Variants in UNC5A observed in about 807,000 individuals in gnomAD.
The protein encoded by UNC5A is netrin receptor UNC5A.
Under a neutral mutation model 87.4 loss-of-function variants are expected in UNC5A, and 20 were observed. The observed-to-expected ratio is 0.23, with a 90% CI of 0.16 to 0.33. The LOEUF (loss-of-function observed/expected upper bound fraction) is 0.33, where lower values mean the gene tolerates loss of function less well. Among genes scored for constraint, UNC5A ranks in the 10% least tolerant of loss-of-function variants. UNC5A has a pLI of 1.00. For synonymous variants in UNC5A, 438 were observed against 482.3 expected (o/e 0.91, Z 1.20); for missense variants, 844 against 1,133.4 (o/e 0.74, Z 3.67).
rs1028304816 is a variant in UNC5A, at chr5:176,865,031, G to C, written c.292+2186G>C. The C allele has an allele frequency of 2.8e-6, 1 of 352,264 alleles. No individual in the cohort carries two copies. Among genetic ancestry groups the C allele is most frequent in the African/African-American group, 2.2e-5 (1 of 46,308 alleles). 21.8% of individuals were successfully genotyped at this position (352,264 alleles called of 1,614,324 possible). Reference sequence around the variant, plus strand: ...CAGTTTCTTCATCTGTAAAATGGGGGTGAGGAGACCTCCCCTCCATCCTGC... The same window carrying C: ...CAGTTTCTTCATCTGTAAAATGGGGCTGAGGAGACCTCCCCTCCATCCTGC... On this transcript the variant is annotated intron_variant, in intron 2 of 14. Coordinates refer to ENST00000329542, the MANE Select transcript of UNC5A (RefSeq NM_133369.3). The surrounding 1 kb of genome is among the most constrained non-coding windows in gnomAD (Gnocchi z 5.3).
rs1023046533 is a variant in UNC5A, at chr5:176,844,865, C to T, written c.71-17759C>T. Among the ~76,000 whole-genome samples, 4 of 152,182 alleles carry T rather than the reference C, an allele frequency of 2.6e-5. No homozygotes were observed. Among genetic ancestry groups the T allele is most frequent in the Non-Finnish European group, 5.9e-5 (4 of 68,024 alleles). On this transcript the variant is annotated intron_variant, in intron 1 of 14. Coordinates refer to ENST00000329542, the MANE Select transcript of UNC5A (RefSeq NM_133369.3). This position sits in a 1 kb window ranked among gnomAD's most constrained non-coding sequence, Gnocchi z 4.2. ...GTCCTCGGTGCCAGCCACAGACTCCCTGCCCAGTGCTCATGACAGACAGCA... is the reference window on the plus strand; with the variant it reads ...GTCCTCGGTGCCAGCCACAGACTCCTTGCCCAGTGCTCATGACAGACAGCA...
chr5:176,847,234 C>G (rs756145723), intron 1 of UNC5A, among the ~76,000 whole-genome samples: 1 of 152,198 alleles, frequency 6.6e-6, no homozygotes, highest in Non-Finnish European at 1.5e-5. Context: ...GAAAATGCCC[C>G]GTTCCCATCC....
In UNC5A at chr5:176,872,991, TG is replaced by T. The variant is rs1343529831; in HGVS notation, c.887-976del. Among the ~76,000 whole-genome samples the T allele has an allele frequency of 6.2e-3, 41 of 6,582 alleles. 3 individuals are homozygous for T. Among genetic ancestry groups the T allele is most frequent in the Non-Finnish European group, 0.012 (23 of 1,980 alleles). 4.3% of individuals were successfully genotyped at this position (6,582 alleles called of 152,430 possible). ...CCACAGCTTCCCATCTGCCCACACC[TG>T]CCCCAACACCACAGTTTCCCATCTG... On this transcript the variant is annotated intron_variant, in intron 6 of 14. Transcript: ENST00000329542.
intron 1 of UNC5A, among the ~76,000 whole-genome samples, chr5:176,839,316 G>A (rs759684696): frequency 1.3e-5 from 2 of 152,270 alleles, no homozygotes; most frequent in Non-Finnish European, 2.9e-5. Flanking sequence ...GAGCACATCG[G>A]AAGAAGATGA....
chr5:176,859,151 A>G (rs55688048), intron 1 of UNC5A, among the ~76,000 whole-genome samples: 9,771 of 24,806 alleles, frequency 0.39, 2,299 homozygotes, highest in Non-Finnish European at 0.54. Flanking sequence ...TAGAGGGCAT[A>G]GCTGCTACAA....
intron 1 of UNC5A, among the ~76,000 whole-genome samples, chr5:176,847,657 C>G (rs1379290141): frequency 6.6e-6 from 1 of 152,110 alleles, no homozygotes; most frequent in Non-Finnish European, 1.5e-5. Context: ...CCAACTTTTA[C>G]ATATTCCAGC....
At chr5:176,817,171 G>A (rs569355071) in intron 1 of UNC5A, among the ~76,000 whole-genome samples, 1 of 152,266 alleles carries the variant, frequency 6.6e-6, no homozygotes, top group South Asian at 2.1e-4. Flanking sequence ...ACCCTGACTG[G>A]TGGGGCCCCC....
At chr5:176,850,077 C>T (rs1309144959) in intron 1 of UNC5A, among the ~76,000 whole-genome samples, 1 of 152,200 alleles carries the variant, frequency 6.6e-6, no homozygotes, top group Non-Finnish European at 1.5e-5. Context: ...TCATGGGAGG[C>T]CGAGGAGCAA....
In UNC5A at chr5:176,862,097, C is replaced by T. The variant is rs561931494; in HGVS notation, c.71-527C>T. 5.3e-5 allele frequency among the ~76,000 whole-genome samples: 8 copies of T among 152,370 alleles called. No individual in the cohort carries two copies. In the South Asian group the frequency reaches 1.4e-3, roughly 28 times the overall value. Reference sequence around the variant, plus strand: ...TATCTCAGATTCCCAGACAGACTCCCGGCTCTCGCCTTGCCCGTGCCCACC... The same window carrying T: ...TATCTCAGATTCCCAGACAGACTCCTGGCTCTCGCCTTGCCCGTGCCCACC... On this transcript the variant is annotated intron_variant, in intron 1 of 14. Coordinates refer to ENST00000329542, the MANE Select transcript of UNC5A (RefSeq NM_133369.3).
At chr5:176,862,918 G>C (rs1159362965) in intron 2 of UNC5A, 73 bp downstream of exon 2, 3 of 1,560,282 alleles carry the variant, frequency 1.9e-6, no homozygotes, top group Non-Finnish European at 2.6e-6. Flanking sequence ...GGAGCCTGCA[G>C]CTGCCCCCAG....
rs759086574 is a variant in UNC5A, at chr5:176,865,634, T to C, written c.293-2496T>C. 2.8e-4 allele frequency: 130 copies of C among 456,774 alleles called. 1 individual carries two copies. In the Middle Eastern group the frequency reaches 3.3e-3, roughly 11 times the overall value. 28.3% of individuals were successfully genotyped at this position (456,774 alleles called of 1,614,324 possible). ...GTGCTTTGAGGTGAAGAAAAAGGCT[T>C]TCCTTACCCACGGCAGATACCACGG... On this transcript the variant is annotated intron_variant, in intron 2 of 14. Transcript: ENST00000329542. The surrounding 1 kb of genome is among the most constrained non-coding windows in gnomAD (Gnocchi z 5.3).
intron 1 of UNC5A, among the ~76,000 whole-genome samples, chr5:176,857,929 G>A (rs901922082): frequency 6.6e-6 from 1 of 152,244 alleles, no homozygotes; most frequent in Admixed American, 6.5e-5. Context: ...CTAGGGATGA[G>A]TGGGGTTTGG....
chr5:176,828,567 G>A (rs530403817), intron 1 of UNC5A, among the ~76,000 whole-genome samples: 1 of 152,244 alleles, frequency 6.6e-6, no homozygotes, highest in East Asian at 1.9e-4. Flanking sequence ...CTCAAATATC[G>A]CCTCCTCAGC....
At chr5:176,868,724 G>T (rs1367073644) in intron 4 of UNC5A, 60 bp downstream of exon 4, 1 of 1,586,868 alleles carries the variant, frequency 6.3e-7, no homozygotes, top group African/African-American at 1.3e-5. Context: ...ACCCTGGCAG[G>T]GGCCACTCTG....
At position 176,810,755 on chromosome 5, in the gene UNC5A, C is replaced by G; in HGVS notation, c.5C>G (p.Ala2Gly). 1 of 1,178,600 alleles carries G rather than the reference C, an allele frequency of 8.5e-7. No individual in the cohort carries two copies. The highest frequency in any genetic ancestry group is 1.0e-6 in the Non-Finnish European group (1 of 954,778). The allele number at this position is 1,178,600 out of a possible 1,614,324, so 73.0% of individuals were successfully genotyped here. The change falls in exon 1 of 15, where the codon GCC becomes GGC. Residue 2 changes from alanine (A) to glycine (G), a missense_variant. Ala to Gly is a moderately conservative substitution (Grantham distance 60). Around this residue, in one of 3 missense-constraint regions of UNC5A, gnomAD observed 314 missense variants for 466.5 expected, o/e 0.67. Coordinates refer to ENST00000329542, the MANE Select transcript of UNC5A (RefSeq NM_133369.3). This position sits in a 1 kb window ranked among gnomAD's most constrained non-coding sequence, Gnocchi z 7.3. The part of the protein sequence containing the change: M[A>G]VRPGLWPALL... ...CCCGCCTGCCCGCCCGCGGCCATGG[C>G]CGTCCGGCCCGGCCTGTGGCCAGCG...
intron 1 of UNC5A, among the ~76,000 whole-genome samples, chr5:176,839,142 C>T (rs1757209838): frequency 6.6e-6 from 1 of 152,228 alleles, no homozygotes; most frequent in African/African-American, 2.4e-5. Flanking sequence ...CCAGGCCCCT[C>T]TCAAAGGCGA....
intron 1 of UNC5A, among the ~76,000 whole-genome samples, chr5:176,831,567 G>T (rs898078151): frequency 6.6e-6 from 1 of 152,210 alleles, no homozygotes; most frequent in African/African-American, 2.4e-5. Context: ...GGCTGGGCTG[G>T]TTTTCCCTGA....
rs1020388445 is a variant in UNC5A at position 176,838,857 on chromosome 5, C to A, written c.71-23767C>A. ...CTCAAACCAATCACCAGAGCCAGGG[C>A]AGGAGATAGCATTGGTTTAAGCCAA... On this transcript the variant is annotated intron_variant, in intron 1 of 14. Transcript: ENST00000329542. The surrounding 1 kb of genome is among the most constrained non-coding windows in gnomAD (Gnocchi z 4.2). Among the ~76,000 whole-genome samples, 10 of 152,214 alleles carry A rather than the reference C, an allele frequency of 6.6e-5. No individual in the cohort carries two copies. Among genetic ancestry groups the A allele is most frequent in the African/African-American group, 2.4e-4 (10 of 41,456 alleles).
At chr5:176,816,901 G>A (rs1756600595) in intron 1 of UNC5A, among the ~76,000 whole-genome samples, 1 of 152,206 alleles carries the variant, frequency 6.6e-6, no homozygotes, top group Non-Finnish European at 1.5e-5. Context: ...CCTGAGGTGA[G>A]CTTCCCATTC....
Sources: allele counts gnomAD v4.1 joint callset (sites outside exome capture counted in the v4.1 genomes callset), GRCh38; gene constraint gnomAD v4.1.1; regional missense constraint gnomAD v4.1.1; non-coding constraint Gnocchi (gnomAD v3.1); transcripts MANE v1.5; gene names NCBI Gene and HGNC (gene_info 2026-07-23, HGNC 2026-07-21).